SLC35F3: variants seen among roughly 807,000 people sequenced by gnomAD.
The protein encoded by SLC35F3 is putative thiamine transporter SLC35F3.
A neutral mutation model predicts 49.9 loss-of-function variants in SLC35F3; 25 were observed. That is an observed-to-expected ratio of 0.50 (90% CI 0.37 to 0.70). The LOEUF is 0.70. Among genes scored for constraint, SLC35F3 ranks in the 30% least tolerant of loss-of-function variants. SLC35F3 has a pLI of 0.00. For missense variants in SLC35F3, 525 were observed against 639.8 expected, an observed-to-expected ratio of 0.82 and a Z score of 1.94; for synonymous variants, 275 against 265.4, an observed-to-expected ratio of 1.04 and a Z score of -0.35.
At chr1:234,179,131 C>G (rs1558251781) in intron 2 of SLC35F3, among the ~76,000 whole-genome samples, 1 of 152,168 alleles carries the variant, frequency 6.6e-6, no homozygotes, top group Non-Finnish European at 1.5e-5. Context: ...TTTCTTGACT[C>G]TGCAGAGCTG....
chr1:234,177,539 C>A (rs966498445), intron 2 of SLC35F3, among the ~76,000 whole-genome samples: 4 of 152,136 alleles, frequency 2.6e-5, no homozygotes, highest in African/African-American at 9.7e-5. Context: ...AGTGTCGAAG[C>A]CCCCAATGCA....
At chr1:233,932,605 A>C (rs1662263089) in intron 2 of SLC35F3, among the ~76,000 whole-genome samples, 1 of 152,290 alleles carries the variant, frequency 6.6e-6, no homozygotes, top group Non-Finnish European at 1.5e-5. Flanking sequence ...AGAATTCATC[A>C]AGTGCTTTGC....
At chr1:234,305,745 A>T (rs953979198) in intron 3 of SLC35F3, among the ~76,000 whole-genome samples, 1 of 152,200 alleles carries the variant, frequency 6.6e-6, no homozygotes, top group African/African-American at 2.4e-5. Context: ...ATGGAAAAAA[A>T]GTTTTCGTTT....
chr1:234,191,379 T>G (rs1246251257), intron 2 of SLC35F3, among the ~76,000 whole-genome samples: 1 of 151,946 alleles, frequency 6.6e-6, no homozygotes, highest in Admixed American at 6.6e-5. Context: ...ACATGAAAAT[T>G]TAAAACCTTT....
intron 3 of SLC35F3, among the ~76,000 whole-genome samples, chr1:234,237,125 T>C (rs764660137): frequency 2.6e-5 from 4 of 151,488 alleles, no homozygotes; most frequent in South Asian, 2.1e-4. Flanking sequence ...TCCAGGCAAG[T>C]GGAGCCTCCA....
At chr1:234,130,467 C>T (rs1665717506) in intron 2 of SLC35F3, among the ~76,000 whole-genome samples, 2 of 83,340 alleles carry the variant, frequency 2.4e-5, no homozygotes, top group African/African-American at 5.0e-5. Flanking sequence ...GGTGAAACCC[C>T]GTCTCTAAAA....
chr1:234,053,534 T>G (rs574277500), intron 2 of SLC35F3, among the ~76,000 whole-genome samples: 4 of 152,330 alleles, frequency 2.6e-5, no homozygotes, highest in African/African-American at 7.2e-5. Context: ...CCTATGTGTG[T>G]CTCTGCATGT....
In SLC35F3 at chr1:233,969,418, G is replaced by A. The variant is rs532195671; in HGVS notation, c.283+63660G>A. Among the ~76,000 whole-genome samples the A allele has an allele frequency of 3.3e-5, 5 of 152,258 alleles. No individual in the cohort carries two copies. In the East Asian group the frequency reaches 9.7e-4, roughly 29 times the overall value. ...ATCTGCGGTGCCTCCTCATCTTAGC[G>A]CCTCCCATCCTTTGCCCTTCTTCTT... On this transcript the variant is annotated intron_variant, in intron 2 of 7. Coordinates refer to ENST00000366618, the MANE Select transcript of SLC35F3 (RefSeq NM_173508.4).
chr1:234,087,721 A>G (rs1664981741), intron 2 of SLC35F3, among the ~76,000 whole-genome samples: 1 of 152,154 alleles, frequency 6.6e-6, no homozygotes, highest in African/African-American at 2.4e-5. Flanking sequence ...AACAAATTCA[A>G]GGTCCTTAAA....
chr1:234,151,005 A>G (rs531585158), intron 2 of SLC35F3, among the ~76,000 whole-genome samples: 1 of 152,300 alleles, frequency 6.6e-6, no homozygotes, highest in East Asian at 1.9e-4. Flanking sequence ...ATACCAGGTC[A>G]GTGTAAGAGG....
chr1:234,148,257 T>C (rs1033894383), intron 2 of SLC35F3, among the ~76,000 whole-genome samples: 1 of 152,218 alleles, frequency 6.6e-6, no homozygotes, highest in African/African-American at 2.4e-5. Flanking sequence ...TGTCTACAGC[T>C]GTCTTCTTGA....
chr1:234,127,813 G>A (rs1417317589), intron 2 of SLC35F3, among the ~76,000 whole-genome samples: 1 of 152,118 alleles, frequency 6.6e-6, no homozygotes, highest in Non-Finnish European at 1.5e-5. Flanking sequence ...GCATAAATTG[G>A]GGAAGATTAT....
At chr1:234,015,744 G>A (rs1663793823) in intron 2 of SLC35F3, among the ~76,000 whole-genome samples, 1 of 152,132 alleles carries the variant, frequency 6.6e-6, no homozygotes, top group South Asian at 2.1e-4. Flanking sequence ...ATTGCTCTGG[G>A]CAATGATGTT....
At chr1:234,277,189 C>T (rs1389135426) in intron 3 of SLC35F3, among the ~76,000 whole-genome samples, 1 of 152,200 alleles carries the variant, frequency 6.6e-6, no homozygotes, top group Non-Finnish European at 1.5e-5. Flanking sequence ...ATCCAGCTAC[C>T]AGGGCTCTGT....
At chr1:234,318,665 C>A (rs764231462) in intron 5 of SLC35F3, 86 bp from the exon 6 acceptor site, 1 of 1,210,050 alleles carries the variant, frequency 8.3e-7, no homozygotes, top group East Asian at 2.4e-5. Context: ...GCAAACCCAG[C>A]GTTGTGGAGT....
intron 2 of SLC35F3, among the ~76,000 whole-genome samples, chr1:234,158,074 TC>T (rs1368253042): frequency 1.3e-5 from 2 of 152,206 alleles, no homozygotes; most frequent in African/African-American, 4.8e-5. Context: ...CTTTAGCCTC[TC>T]CTTTGTTTCT....
chr1:234,214,380 C>T lies in SLC35F3; in HGVS notation c.284-17037C>T. ...GAGGCCGGGACTGAGAGGGGCGAGC[C>T]GCTGGTGCTCCCCGGCGGCAGAGGG... On this transcript the variant is annotated intron_variant, in intron 2 of 7. Coordinates refer to ENST00000366618, the MANE Select transcript of SLC35F3 (RefSeq NM_173508.4). This position sits in a 1 kb window ranked among gnomAD's most constrained non-coding sequence, Gnocchi z 8.0. The T allele has an allele frequency of 7.4e-7, 1 of 1,360,404 alleles. No individual in the cohort carries two copies. Among genetic ancestry groups the T allele is most frequent in the Non-Finnish European group, 9.5e-7 (1 of 1,056,432 alleles). 84.3% of individuals were successfully genotyped at this position (1,360,404 alleles called of 1,614,324 possible). A position where few individuals can be genotyped will look rare whatever the true frequency, so the allele number is the denominator to read the frequency against.
At chr1:234,317,402 C>G (rs1657517805) in intron 5 of SLC35F3, among the ~76,000 whole-genome samples, 2 of 151,720 alleles carry the variant, frequency 1.3e-5, no homozygotes, top group Admixed American at 1.3e-4. Flanking sequence ...CCCTTCTCCT[C>G]CTCTCTCCTT....
At chr1:234,241,968 A>G (rs1024265866) in intron 3 of SLC35F3, among the ~76,000 whole-genome samples, 5 of 152,152 alleles carry the variant, frequency 3.3e-5, no homozygotes, top group Admixed American at 2.6e-4. Context: ...TTCTTTGGGT[A>G]ATAATCCATT....
Sources: allele counts gnomAD v4.1 joint callset (sites outside exome capture counted in the v4.1 genomes callset), GRCh38; gene constraint gnomAD v4.1.1; non-coding constraint Gnocchi (gnomAD v3.1); transcripts MANE v1.5; gene names NCBI Gene and HGNC (gene_info 2026-07-23, HGNC 2026-07-21).